Variants in FGF13 observed in about 807,000 individuals in gnomAD.
The protein encoded by FGF13 is fibroblast growth factor homologous factor 2.
A neutral mutation model predicts 19.5 loss-of-function variants in FGF13; 2 were observed. That is an observed-to-expected ratio of 0.10 (90% confidence interval 0.04 to 0.32). The LOEUF is 0.32. FGF13 is among the 10% of genes least tolerant of loss of function. The probability of loss-of-function intolerance (pLI) is 1.00; values close to 1 mark genes in which losing one functional copy is unlikely to be tolerated. For missense variants in FGF13, 113 were observed against 192.7 expected (o/e 0.59, Z 2.45); for synonymous variants, 72 against 76.9 (o/e 0.94, Z 0.33).
intron 3 of FGF13, among the ~76,000 whole-genome samples, chrX:138,797,335 T>C (rs1341923388): frequency 9.0e-6 from 1 of 111,443 alleles, no homozygotes; most frequent in Non-Finnish European, 1.9e-5. Flanking sequence ...TTGCTTTTTT[T>C]TGGGTAAAGT....
chrX:138,680,827 G>A (rs780811397), intron 3 of FGF13, among the ~76,000 whole-genome samples: 21 of 110,904 alleles, frequency 1.9e-4, no homozygotes, highest in African/African-American at 5.9e-4. Context: ...CTCTAGCCAC[G>A]AAACCCCTGG....
chrX:138,727,968 G>T (rs2090198387), intron 1 of FGF13, among the ~76,000 whole-genome samples: 1 of 111,443 alleles, frequency 9.0e-6, no homozygotes, highest in Non-Finnish European at 1.9e-5. Context: ...TGTTAACAGT[G>T]ACTTTTATTC....
intron 2 of FGF13, among the ~76,000 whole-genome samples, chrX:138,706,130 T>C: frequency 8.9e-6 from 1 of 112,228 alleles, no homozygotes; most frequent in Non-Finnish European, 1.9e-5. Flanking sequence ...GAATAATTAA[T>C]GAAAGTATAT....
chrX:138,721,019 A>G (rs1024158173), intron 1 of FGF13, among the ~76,000 whole-genome samples: 3 of 111,988 alleles, frequency 2.7e-5, no homozygotes, highest in Non-Finnish European at 5.6e-5. Flanking sequence ...CATTCAGTAC[A>G]TATTGTCAAC....
intron 1 of FGF13, among the ~76,000 whole-genome samples, chrX:138,908,564 G>A (rs764470543): frequency 2.7e-5 from 3 of 110,271 alleles, no homozygotes; most frequent in Non-Finnish European, 5.7e-5. Context: ...GCAGGGATAA[G>A]GAAGATCCTT....
upstream of FGF13, chrX:138,714,838 A>G (rs1284202839): frequency 8.9e-6 from 1 of 112,146 alleles, no homozygotes; most frequent in Non-Finnish European, 1.9e-5. Context: ...AGCCAATCCT[A>G]GAGAAGCATA....
intron 3 of FGF13, among the ~76,000 whole-genome samples, chrX:138,800,835 T>A (rs774158377): frequency 8.9e-6 from 1 of 112,096 alleles, no homozygotes; most frequent in Non-Finnish European, 1.9e-5. Flanking sequence ...AGTAAGCTGA[T>A]CTTCAAACTC....
At chrX:138,989,604 C>G (rs2092006814) in intron 1 of FGF13, among the ~76,000 whole-genome samples, 1 of 111,072 alleles carries the variant, frequency 9.0e-6, no homozygotes, top group Admixed American at 9.6e-5. Flanking sequence ...GAAATTATCA[C>G]AGTTATGGGA....
At chrX:139,040,849 T>A (rs902142301) in intron 1 of FGF13, among the ~76,000 whole-genome samples, 1 of 110,959 alleles carries the variant, frequency 9.0e-6, no homozygotes, top group Non-Finnish European at 1.9e-5. Flanking sequence ...ATGTGGTACA[T>A]ATACACCATG....
intron 1 of FGF13, among the ~76,000 whole-genome samples, chrX:139,049,881 G>T (rs919155861): frequency 8.9e-6 from 1 of 112,288 alleles, no homozygotes; most frequent in Admixed American, 9.4e-5. Context: ...ATTTGAGCGA[G>T]ATCTAAATGT....
chrX:139,141,731 T>A (rs1466448755), intron 1 of FGF13, among the ~76,000 whole-genome samples: 1 of 112,544 alleles, frequency 8.9e-6, no homozygotes, highest in African/African-American at 3.2e-5. Context: ...CTACTTCTCT[T>A]ATTAACTTAT....
intron 1 of FGF13, among the ~76,000 whole-genome samples, chrX:138,879,060 T>C (rs1222792909): frequency 9.0e-6 from 1 of 111,730 alleles, no homozygotes; most frequent in Non-Finnish European, 1.9e-5. Flanking sequence ...CTTTGTCACA[T>C]GAGTAGGTTG....
At chrX:139,086,535 T>C (rs1243384579) in intron 1 of FGF13, among the ~76,000 whole-genome samples, 1 of 111,483 alleles carries the variant, frequency 9.0e-6, no homozygotes, top group African/African-American at 3.3e-5. Flanking sequence ...TATTGCAAAA[T>C]AGCTAGAAGA....
chrX:138,654,618 G>A (rs1307109337), intron 3 of FGF13, among the ~76,000 whole-genome samples: 6 of 111,242 alleles, frequency 5.4e-5, no homozygotes, highest in African/African-American at 2.0e-4. Context: ...GCACTCACCT[G>A]TAATCCCAGC....
chrX:139,000,356 A>G (rs2092066740), intron 1 of FGF13, among the ~76,000 whole-genome samples: 1 of 111,769 alleles, frequency 8.9e-6, no homozygotes, highest in African/African-American at 3.3e-5. Flanking sequence ...CAAGAGAAAG[A>G]GATAAAGGGT....
chrX:139,027,930 T>C (rs2092207066), intron 1 of FGF13, among the ~76,000 whole-genome samples: 1 of 111,367 alleles, frequency 9.0e-6, no homozygotes, highest in Non-Finnish European at 1.9e-5. Context: ...TATACACAGA[T>C]ACTTATTTTT....
At position 138,623,144 on chromosome X, in the gene FGF13, T is replaced by C. The variant is rs1428156662; in HGVS notation, c.*9706A>G. ...TTGGTGAATTCTACCCAAGTGAAAT[T>C]GGTGAAATCCCACTTGATTATGGTG... On this transcript the variant is annotated 3_prime_UTR_variant, in exon 5 of 5. Transcript: ENST00000315930. The C allele has an allele frequency of 9.0e-6, 1 of 111,200 alleles. No homozygotes were observed. The highest frequency in any genetic ancestry group is 1.9e-5 in the Non-Finnish European group (1 of 52,983). 9.2% of individuals were successfully genotyped at this position (111,200 alleles called of 1,213,427 possible). A position where few individuals can be genotyped will look rare whatever the true frequency, so the allele number is the denominator to read the frequency against.
intron 1 of FGF13, among the ~76,000 whole-genome samples, chrX:139,120,594 C>T (rs970334444): frequency 8.9e-6 from 1 of 111,996 alleles, no homozygotes; most frequent in Admixed American, 9.4e-5. Context: ...CTGGGGCCTC[C>T]CAAGCTGGGT....
intron 1 of FGF13, among the ~76,000 whole-genome samples, chrX:139,176,845 T>C (rs981318792): frequency 1.8e-5 from 2 of 111,640 alleles, no homozygotes; most frequent in Admixed American, 9.6e-5. Flanking sequence ...TGATCGATTT[T>C]AGAATAAGTG....
Sources: allele counts gnomAD v4.1 joint callset (sites outside exome capture counted in the v4.1 genomes callset), GRCh38; gene constraint gnomAD v4.1.1; transcripts MANE v1.5; gene names NCBI Gene and HGNC (gene_info 2026-07-23, HGNC 2026-07-21).